MAPK10: variants seen among roughly 807,000 people sequenced by gnomAD.
MAPK10 encodes the protein mitogen-activated protein kinase 10, also known as JNK3 alpha protein kinase.
MAPK10 carries 25 observed loss-of-function variants against 59.3 expected under a neutral mutation model. The ratio of observed to expected loss-of-function variants is 0.42; its 90% CI spans 0.31 to 0.59. MAPK10 has a LOEUF of 0.59. MAPK10 is among the 20% of genes least tolerant of loss of function. The pLI is 0.15. For missense variants in MAPK10, 351 were observed against 568.9 expected (o/e 0.62, Z 3.90); for synonymous variants, 190 against 200.5 (o/e 0.95, Z 0.44).
intron 4 of MAPK10, chr4:86,107,645 C>T: frequency 9.8e-6 from 10 of 1,024,506 alleles, no homozygotes; most frequent in Non-Finnish European, 1.2e-5. Context: ...AAGAATATAG[C>T]ATATAATTGC....
intron 4 of MAPK10, among the ~76,000 whole-genome samples, chr4:86,158,698 C>A (rs895024504): frequency 4.6e-5 from 7 of 151,656 alleles, no homozygotes; most frequent in African/African-American, 1.7e-4. Flanking sequence ...ATGAATTTTG[C>A]AAGAGTCTTA....
intron 4 of MAPK10, among the ~76,000 whole-genome samples, chr4:86,151,442 T>C (rs896485072): frequency 1.3e-5 from 2 of 152,156 alleles, no homozygotes; most frequent in Admixed American, 1.3e-4. Flanking sequence ...CATAAACTTA[T>C]AATGGAGGAA....
intron 4 of MAPK10, among the ~76,000 whole-genome samples, chr4:86,150,652 G>T (rs929481040): frequency 6.6e-6 from 1 of 152,100 alleles, no homozygotes; most frequent in East Asian, 1.9e-4. Context: ...ACGAGGTCAG[G>T]AGATCGAGAC....
intron 2 of MAPK10, among the ~76,000 whole-genome samples, chr4:86,313,506 A>G (rs1389244826): frequency 6.6e-6 from 1 of 152,158 alleles, no homozygotes; most frequent in Non-Finnish European, 1.5e-5. Context: ...ACAAAGAGCT[A>G]CAATATCAGG....
chr4:86,340,124 T>C (rs1488376588), intron 2 of MAPK10, among the ~76,000 whole-genome samples: 2 of 152,210 alleles, frequency 1.3e-5, no homozygotes, highest in Admixed American at 6.5e-5. Flanking sequence ...CAGGCATAGT[T>C]CTAATAACTT....
intron 2 of MAPK10, among the ~76,000 whole-genome samples, chr4:86,281,588 GA>G (rs2094808909): frequency 6.6e-6 from 1 of 152,030 alleles, no homozygotes; most frequent in South Asian, 2.1e-4. Flanking sequence ...TTTTGCTTCT[GA>G]AAATGTGGTT....
intron 8 of MAPK10, 37 bp from the exon 9 acceptor site, chr4:86,098,632 G>A (rs2054686146): frequency 1.4e-6 from 2 of 1,453,580 alleles, no homozygotes; most frequent in Non-Finnish European, 1.9e-6. Context: ...AGAAAAGGGA[G>A]GAAAGTAAAG....
chr4:86,383,220 A>G (rs1327642331), intron 1 of MAPK10, among the ~76,000 whole-genome samples: 1 of 152,190 alleles, frequency 6.6e-6, no homozygotes, highest in Non-Finnish European at 1.5e-5. Flanking sequence ...AGCTCTTTAC[A>G]GTAAACTTCT....
At position 86,012,106 on chromosome 4, in the gene MAPK10, A is replaced by G. The variant is rs1578502083; in HGVS notation, c.*5122T>C. ...TGCTCTACTTACCTAATGCCCCCCC[A>G]AAAGATGATCTTTTTTTTCTTCATT... On this transcript the variant is annotated 3_prime_UTR_variant, in exon 14 of 14. Transcript: ENST00000641462. 1 of 152,180 alleles carries G rather than the reference A, an allele frequency of 6.6e-6. No homozygotes were observed. Among genetic ancestry groups the G allele is most frequent in the East Asian group, 1.9e-4 (1 of 5,196 alleles). The allele number at this position is 152,180 out of a possible 1,614,324, so 9.4% of individuals were successfully genotyped here.
chr4:86,389,014 C>A (rs758042743), intron 1 of MAPK10, among the ~76,000 whole-genome samples: 4 of 152,016 alleles, frequency 2.6e-5, no homozygotes, highest in Non-Finnish European at 4.4e-5. Flanking sequence ...GATTTGTGTC[C>A]CCACGCAAAT....
At chr4:86,326,031 T>C (rs1193079594) in intron 2 of MAPK10, 1 of 152,166 alleles carries the variant, frequency 6.6e-6, no homozygotes, top group African/African-American at 2.4e-5. Flanking sequence ...AGATATGTTG[T>C]AGAGCTACTG....
chr4:86,013,299 T>C lies in MAPK10; in HGVS notation c.*3929A>G, dbSNP rs748286227. 1.3e-5 allele frequency: 2 copies of C among 152,228 alleles called. No individual in the cohort carries two copies. Among genetic ancestry groups the C allele is most frequent in the African/African-American group, 4.8e-5 (2 of 41,464 alleles). 9.4% of individuals were successfully genotyped at this position (152,228 alleles called of 1,614,324 possible). ...AGTTTCCTTGCTTGGCTTAATGATA[T>C]CTGTGGAAAATGTTGAACTCTTATA... On this transcript the variant is annotated 3_prime_UTR_variant, in exon 14 of 14. Coordinates refer to ENST00000641462, the MANE Select transcript of MAPK10 (RefSeq NM_138982.4).
rs985586664 is a variant in MAPK10, at chr4:86,011,806, A to C, written c.*5422T>G. ...ATAACTCAAAATAATGTGTATGTTT[A>C]TCTTCCAGGCTTTCTAATAGTTAAT... On this transcript the variant is annotated 3_prime_UTR_variant, in exon 14 of 14. Coordinates refer to ENST00000641462, the MANE Select transcript of MAPK10 (RefSeq NM_138982.4). The C allele has an allele frequency of 5.3e-5, 8 of 152,210 alleles. No homozygotes were observed. Among genetic ancestry groups the C allele is most frequent in the Admixed American group, 4.6e-4 (7 of 15,280 alleles). The allele number at this position is 152,210 out of a possible 1,614,324, so 9.4% of individuals were successfully genotyped here.
At chr4:86,455,878 C>A (rs1347846343), upstream of MAPK10, among the ~76,000 whole-genome samples, 1 of 152,140 alleles carries the variant, frequency 6.6e-6, no homozygotes, top group African/African-American at 2.4e-5. Context: ...ACACATGGAA[C>A]TTTCTCCAAG....
intron 2 of MAPK10, among the ~76,000 whole-genome samples, chr4:86,270,415 G>GA (rs528852656): frequency 2.0e-5 from 3 of 151,658 alleles, no homozygotes; most frequent in South Asian, 4.2e-4. Flanking sequence ...AAAACAAAGA[G>GA]AAAAAATGAA....
At chr4:86,309,992 ATTC>A (rs1004321322) in intron 2 of MAPK10, among the ~76,000 whole-genome samples, 3 of 152,200 alleles carry the variant, frequency 2.0e-5, no homozygotes, top group Non-Finnish European at 4.4e-5. Context: ...CTCCCATTCT[ATTC>A]AAAGTTATCC....
At chr4:86,476,887 A>G (rs1467377293) in intron 1 of MAPK10, among the ~76,000 whole-genome samples, 1 of 152,154 alleles carries the variant, frequency 6.6e-6, no homozygotes, top group Non-Finnish European at 1.5e-5. Flanking sequence ...TGGCCACTGG[A>G]CCAAGGAATG....
At chr4:86,171,032 C>T (rs953129396) in intron 3 of MAPK10, 1 of 152,000 alleles carries the variant, frequency 6.6e-6, no homozygotes, top group Admixed American at 6.6e-5. Context: ...CCAACGAGAA[C>T]AAAGACACAA....
intron 2 of MAPK10, among the ~76,000 whole-genome samples, chr4:86,234,901 A>C (rs995634701): frequency 1.3e-5 from 2 of 152,222 alleles, no homozygotes; most frequent in Non-Finnish European, 1.5e-5. Flanking sequence ...TTGATAAAGT[A>C]AACAGATATT....
Sources: gnomAD v4.1 joint callset for allele counts (sites outside exome capture counted in the v4.1 genomes callset) on GRCh38, gnomAD v4.1.1 for gene constraint, MANE v1.5 for transcripts, NCBI Gene and HGNC (gene_info 2026-07-23, HGNC 2026-07-21) for gene names.